The following TNPO3 variants were observed in gnomAD, a reference collection of about 807,000 sequenced individuals.
TNPO3 encodes transportin 3.
Under a neutral mutation model 122.8 loss-of-function variants are expected in TNPO3, and 65 were observed. That is an observed-to-expected ratio of 0.53 (90% CI 0.43 to 0.65). The LOEUF is 0.65. Ranked by LOEUF, TNPO3 falls within the 30% of genes least tolerant of loss-of-function variation. TNPO3 has a pLI of 0.00. For synonymous variants in TNPO3, 372 were observed against 411.2 expected, an observed-to-expected ratio of 0.90 and a Z score of 1.15; for missense variants, 850 against 1,136.7, an observed-to-expected ratio of 0.75 and a Z score of 3.63.
chr7:128,966,363 GTATGAT>G (rs952235648), intron 21 of TNPO3, among the ~76,000 whole-genome samples: 1 of 152,102 alleles, frequency 6.6e-6, no homozygotes. Flanking sequence ...TTTCCACACT[GTATGAT>G]TATAAGTCAT....
intron 1 of TNPO3, among the ~76,000 whole-genome samples, chr7:129,020,567 G>A (rs1166403359): frequency 6.6e-6 from 1 of 152,042 alleles, no homozygotes. Context: ...CAGCCCCCTA[G>A]TAGTTGGAAC....
chr7:128,979,106 G>A lies in TNPO3; in HGVS notation c.1938C>T (p.Ser646=), dbSNP rs776947699. The stretch of plus-strand genomic sequence containing the variant: ...CAGCTCGGTGCTTATTTAGAGTCTC[G>A]GATAAAACTGGCCATATCTGGGTCA... The part of the protein sequence containing the change: ...KVIQEIWPVL[S]ETLNKHRADN... Residue 646 remains serine, a synonymous_variant, in exon 16 of 23, where the codon TCC becomes TCT. Coordinates refer to ENST00000265388, the MANE Select transcript of TNPO3 (RefSeq NM_012470.4). 21 of 1,613,872 alleles carry A rather than the reference G, an allele frequency of 1.3e-5. No individual in the cohort carries two copies. In the South Asian group the frequency reaches 1.5e-4, roughly 12 times the overall value.
intron 14 of TNPO3, among the ~76,000 whole-genome samples, chr7:128,981,225 A>G (rs2150322382): frequency 6.6e-6 from 1 of 152,350 alleles, no homozygotes; most frequent in South Asian, 2.1e-4. Context: ...TGTTGACAAT[A>G]ACTAGTAACA....
chr7:129,035,656 G>A (rs76320508), intron 1 of TNPO3, among the ~76,000 whole-genome samples: 1 of 151,972 alleles, frequency 6.6e-6, no homozygotes, highest in Non-Finnish European at 1.5e-5. Flanking sequence ...CAACTAGAAA[G>A]AAACAGACAA....
At position 129,001,235 on chromosome 7, in the gene TNPO3, C is replaced by T; in HGVS notation, c.697-1G>A. The T allele has an allele frequency of 1.3e-6, 2 of 1,596,520 alleles. No individual in the cohort carries two copies. The highest frequency in any genetic ancestry group is 1.7e-6 in the Non-Finnish European group (2 of 1,166,410). On this transcript the variant is annotated splice_acceptor_variant, in intron 5 of 22. Transcript: ENST00000265388. LOFTEE classifies it high-confidence loss of function. ...GGTTAGACGAGGTCTTATCCTGTTGCTGGGGAGGTAGCAGGAATAGGGAAG... is the reference window on the plus strand; with the variant it reads ...GGTTAGACGAGGTCTTATCCTGTTGTTGGGGAGGTAGCAGGAATAGGGAAG...
At chr7:128,979,849 A>G (rs187573039) in intron 15 of TNPO3, 122 bp downstream of exon 15, 2 of 860,886 alleles carry the variant, frequency 2.3e-6, no homozygotes, top group East Asian at 5.1e-5. Flanking sequence ...CATTGAAACC[A>G]CATCAACAAA....
chr7:128,976,879 C>A (rs1421538033), intron 16 of TNPO3, among the ~76,000 whole-genome samples: 1 of 152,140 alleles, frequency 6.6e-6, no homozygotes, highest in Non-Finnish European at 1.5e-5. Flanking sequence ...GTTGTAAACT[C>A]AAAATTATAT....
At chr7:128,956,953 G>A (rs957853778) in intron 22 of TNPO3, among the ~76,000 whole-genome samples, 1 of 152,166 alleles carries the variant, frequency 6.6e-6, no homozygotes, top group African/African-American at 2.4e-5. Context: ...AGGGGAAGGG[G>A]GAAGAAAATG....
At chr7:128,991,919 A>T in intron 10 of TNPO3, 80 bp downstream of exon 10, 1 of 983,040 alleles carries the variant, frequency 1.0e-6, no homozygotes, top group Non-Finnish European at 1.5e-6. Context: ...GGTATATACC[A>T]TATAAGAAAA....
chr7:128,986,707 G>A, intron 12 of TNPO3, 22 bp downstream of exon 12: 1 of 1,595,778 alleles, frequency 6.3e-7, no homozygotes, highest in South Asian at 1.1e-5. Context: ...GTGACTATTA[G>A]TGGTTAACAT....
Position 128,955,076 on chromosome 7 carries a change from GT to G in TNPO3, c.*340del. On this transcript the variant is annotated 3_prime_UTR_variant, in exon 23 of 23. Transcript: ENST00000265388. The stretch of plus-strand genomic sequence containing the variant: ...GGTGAATGTTTCAGTTCTGGTTTCT[GT>G]TTAGTCTTCCTTTTTTTTCTTTTTT... The G allele has an allele frequency of 3.1e-6, 1 of 327,690 alleles. No homozygotes were observed. The highest frequency in any genetic ancestry group is 5.9e-6 in the Non-Finnish European group (1 of 169,720). The allele number at this position is 327,690 out of a possible 1,614,324, so 20.3% of individuals were successfully genotyped here.
intron 8 of TNPO3, among the ~76,000 whole-genome samples, chr7:128,994,661 T>C (rs1325157190): frequency 1.3e-5 from 2 of 152,020 alleles, no homozygotes; most frequent in African/African-American, 4.8e-5. Context: ...GAAAATATAC[T>C]TTTATTTTTA....
rs141248875 is a variant in TNPO3 at position 128,972,921 on chromosome 7, G to A, written c.2274-339C>T. Among the ~76,000 whole-genome samples, 28 of 152,214 alleles carry A rather than the reference G, an allele frequency of 1.8e-4. No homozygotes were observed. The East Asian group carries it at 5.2e-3, about 28-fold the overall frequency. On this transcript the variant is annotated intron_variant, in intron 18 of 22. Transcript: ENST00000265388. ...ACTCTGGTGGGGGATGCTAATAGAG[G>A]GGAAGGCTGTGTGTGTTAGGAGGGA...
chr7:129,047,851 T>C (rs1048245824), intron 1 of TNPO3, among the ~76,000 whole-genome samples: 9 of 152,318 alleles, frequency 5.9e-5, no homozygotes, highest in East Asian at 3.9e-4. Flanking sequence ...TTTGTTCCAG[T>C]AGACAAAATC....
At chr7:128,979,207 T>C (rs1799388133) in intron 15 of TNPO3, 84 bp from the exon 16 acceptor site, 1 of 1,540,758 alleles carries the variant, frequency 6.5e-7, no homozygotes, top group Admixed American at 1.8e-5. Context: ...ACACCTCATT[T>C]AGCTTTTAAA....
intron 20 of TNPO3, among the ~76,000 whole-genome samples, chr7:128,968,568 A>T (rs1331546515): frequency 1.3e-5 from 2 of 152,144 alleles, no homozygotes; most frequent in Non-Finnish European, 2.9e-5. Context: ...TTTTTACATT[A>T]TATATTTTCC....
At chr7:128,960,377 T>C (rs1797323672) in intron 21 of TNPO3, among the ~76,000 whole-genome samples, 1 of 152,146 alleles carries the variant, frequency 6.6e-6, no homozygotes, top group Non-Finnish European at 1.5e-5. Flanking sequence ...AGGCAGGTCC[T>C]TCGGGAGGGA....
Position 129,000,409 on chromosome 7 carries a change from T to C in TNPO3, c.1011+20A>G, listed in dbSNP as rs199605219. On this transcript the variant is annotated intron_variant, in intron 7 of 22. Coordinates refer to ENST00000265388, the MANE Select transcript of TNPO3 (RefSeq NM_012470.4). ...CACACAACTTGGAGAATAATGGCCT[T>C]TGAATAGCATAAACACTACCTCATA... 1.3e-5 allele frequency: 20 copies of C among 1,586,160 alleles called. No homozygotes were observed. Among genetic ancestry groups the C allele is most frequent in the African/African-American group, 2.7e-5 (2 of 74,086 alleles).
At chr7:128,965,887 C>G (rs977401280) in intron 21 of TNPO3, among the ~76,000 whole-genome samples, 2 of 152,158 alleles carry the variant, frequency 1.3e-5, no homozygotes, top group Admixed American at 6.5e-5. Context: ...TAGTCAGACT[C>G]AAACATTAAG....
Sources: gnomAD v4.1 joint callset for allele counts (sites outside exome capture counted in the v4.1 genomes callset) on GRCh38, gnomAD v4.1.1 for gene constraint, MANE v1.5 for transcripts, NCBI Gene and HGNC (gene_info 2026-07-23, HGNC 2026-07-21) for gene names.